LAMA2: variants seen among roughly 807,000 people sequenced by gnomAD.
LAMA2 encodes laminin subunit alpha 2, also known as laminin subunit alpha-2.
Under a neutral mutation model 364.8 loss-of-function variants are expected in LAMA2, and 269 were observed. That is an observed-to-expected ratio of 0.74 (90% CI 0.67 to 0.82). LAMA2 has a LOEUF of 0.82. Ranked by LOEUF, LAMA2 falls within the 40% of genes least tolerant of loss-of-function variation. The probability of loss-of-function intolerance (pLI) is 0.00; values close to 1 mark genes in which losing one functional copy is unlikely to be tolerated. For synonymous variants in LAMA2, 1,379 were observed against 1,370.6 expected, an observed-to-expected ratio of 1.01 and a Z score of -0.14; for missense variants, 3,807 against 3,873.2, an observed-to-expected ratio of 0.98 and a Z score of 0.45.
At chr6:129,280,017 G>C (rs749491779) in intron 17 of LAMA2, 44 bp from the exon 18 acceptor site, 14 of 1,256,640 alleles carry the variant, frequency 1.1e-5, no homozygotes, top group Non-Finnish European at 1.5e-5. Context: ...CTTTGTGTAT[G>C]TCCTTCTTCC....
chr6:129,129,059 TGGCCA>T (rs1777294694), intron 4 of LAMA2, among the ~76,000 whole-genome samples: 1 of 152,230 alleles, frequency 6.6e-6, no homozygotes, highest in African/African-American at 2.4e-5. Flanking sequence ...AGGAAATACG[TGGCCA>T]GGCTCTGCTG....
At chr6:128,897,712 T>G (rs991084084) in intron 1 of LAMA2, among the ~76,000 whole-genome samples, 5 of 152,230 alleles carry the variant, frequency 3.3e-5, no homozygotes, top group African/African-American at 1.2e-4. Flanking sequence ...GGGAGTGTCT[T>G]ATCTATTTGT....
chr6:129,074,886 C>T (rs1413739699), intron 3 of LAMA2, among the ~76,000 whole-genome samples: 1 of 152,028 alleles, frequency 6.6e-6, no homozygotes, highest in African/African-American at 2.4e-5. Context: ...CTTCATGCCC[C>T]TTATGGCATA....
intron 14 of LAMA2, among the ~76,000 whole-genome samples, chr6:129,254,375 T>C (rs940728159): frequency 2.0e-5 from 3 of 152,208 alleles, no homozygotes; most frequent in Non-Finnish European, 2.9e-5. Context: ...TTTGACCTCT[T>C]TGGACTTCAA....
At chr6:128,941,707 G>A (rs1200735405) in intron 1 of LAMA2, among the ~76,000 whole-genome samples, 2 of 152,124 alleles carry the variant, frequency 1.3e-5, no homozygotes, top group African/African-American at 2.4e-5. Context: ...AAATATATAA[G>A]TGAGAAATAT....
chr6:129,127,970 C>T (rs1777215601), intron 4 of LAMA2, among the ~76,000 whole-genome samples: 1 of 152,046 alleles, frequency 6.6e-6, no homozygotes, highest in South Asian at 2.1e-4. Context: ...CACATTGTTG[C>T]TTCCTTTGTT....
At chr6:128,975,146 C>T (rs1049570502) in intron 1 of LAMA2, among the ~76,000 whole-genome samples, 1 of 152,128 alleles carries the variant, frequency 6.6e-6, no homozygotes, top group Non-Finnish European at 1.5e-5. Flanking sequence ...GCCATCGCGC[C>T]TGGCCATGAG....
chr6:128,957,308 A>C (rs900180196), intron 1 of LAMA2, among the ~76,000 whole-genome samples: 2 of 151,432 alleles, frequency 1.3e-5, no homozygotes, highest in African/African-American at 4.9e-5. Context: ...AATACTCAAA[A>C]CTCCTCTTGT....
intron 8 of LAMA2, 76 bp from the exon 9 acceptor site, chr6:129,165,500 T>G: frequency 1.1e-6 from 1 of 887,472 alleles, no homozygotes; most frequent in Middle Eastern, 2.3e-4. Context: ...CTACTTTGTC[T>G]ATAAAAGTTT....
chr6:129,459,656 T>G (rs1783144711), intron 48 of LAMA2, among the ~76,000 whole-genome samples: 1 of 152,082 alleles, frequency 6.6e-6, no homozygotes, highest in Admixed American at 6.6e-5. Context: ...TTTATACAAG[T>G]GCTTTTAAAA....
chr6:129,124,545 T>C (rs1776999744), intron 4 of LAMA2, among the ~76,000 whole-genome samples: 1 of 152,210 alleles, frequency 6.6e-6, no homozygotes, highest in Admixed American at 6.5e-5. Flanking sequence ...GCACCAAATA[T>C]GCCAAAGCTT....
rs553225269 is a variant in LAMA2 at position 129,178,819 on chromosome 6, T to A, written c.1467+953T>A. 1.9e-4 allele frequency among the ~76,000 whole-genome samples: 29 copies of A among 152,124 alleles called. No individual in the cohort carries two copies. In the South Asian group the frequency reaches 6.0e-3, roughly 32 times the overall value. On this transcript the variant is annotated intron_variant, in intron 10 of 64. Coordinates refer to ENST00000421865, the MANE Select transcript of LAMA2 (RefSeq NM_000426.4). ...TAAGCCATAATATAAGTAGTAAATATTAGTTTTAATGAAGTGTTTATGAAT... is the reference window on the plus strand; with the variant it reads ...TAAGCCATAATATAAGTAGTAAATAATAGTTTTAATGAAGTGTTTATGAAT...
intron 4 of LAMA2, among the ~76,000 whole-genome samples, chr6:129,135,890 A>T (rs11754225): frequency 0.076 from 11,523 of 152,286 alleles, 573 homozygotes; most frequent in Non-Finnish European, 0.11. Flanking sequence ...TTATCTGTGT[A>T]ATTATTATAT....
At chr6:129,347,072 A>G (rs182700409) in intron 30 of LAMA2, among the ~76,000 whole-genome samples, 228 of 152,286 alleles carry the variant, frequency 1.5e-3, no homozygotes, top group Middle Eastern at 6.8e-3. Context: ...TGAAGTCAGC[A>G]AAGCTCTAAT....
intron 17 of LAMA2, among the ~76,000 whole-genome samples, chr6:129,278,833 C>T (rs1330924400): frequency 6.6e-6 from 1 of 152,084 alleles, no homozygotes; most frequent in Non-Finnish European, 1.5e-5. Context: ...CTTACCTGGT[C>T]CTAATACCTT....
intron 62 of LAMA2, among the ~76,000 whole-genome samples, chr6:129,507,884 A>C (rs573467589): frequency 6.6e-6 from 1 of 152,366 alleles, no homozygotes; most frequent in East Asian, 1.9e-4. Context: ...CATCTCCTTC[A>C]CTGGAGGTTA....
rs775798455 is a variant in LAMA2 at position 129,505,307 on chromosome 6, G to A, written c.8655G>A (p.Leu2885=). The change falls in exon 61 of 65, where the codon CTG becomes CTA. Residue 2885 remains leucine, a synonymous_variant. Coordinates refer to ENST00000421865, the MANE Select transcript of LAMA2 (RefSeq NM_000426.4). ...KADILDVVGM[L]YVGGLPINYT... Reference sequence around the variant, plus strand: ...ACATCCTGGATGTCGTGGGAATGCTGTATGTTGGTGGGTTACCCATCAACT... The same window carrying A: ...ACATCCTGGATGTCGTGGGAATGCTATATGTTGGTGGGTTACCCATCAACT... 3 of 1,613,928 alleles carry A rather than the reference G, an allele frequency of 1.9e-6. No individual in the cohort carries two copies. Among genetic ancestry groups the A allele is most frequent in the South Asian group, 2.2e-5 (2 of 91,080 alleles).
intron 31 of LAMA2, among the ~76,000 whole-genome samples, chr6:129,350,700 A>G (rs913610761): frequency 1.3e-5 from 2 of 152,224 alleles, no homozygotes; most frequent in Admixed American, 6.5e-5. Context: ...GCTTCTTTGT[A>G]AATATAAACT....
At chr6:129,089,109 G>A (rs1774639610) in intron 3 of LAMA2, among the ~76,000 whole-genome samples, 1 of 152,252 alleles carries the variant, frequency 6.6e-6, no homozygotes, top group South Asian at 2.1e-4. Flanking sequence ...GTTAGGAGCT[G>A]GAGACCAGCC....
Sources: allele counts gnomAD v4.1 joint callset (sites outside exome capture counted in the v4.1 genomes callset), GRCh38; gene constraint gnomAD v4.1.1; transcripts MANE v1.5; gene names NCBI Gene and HGNC (gene_info 2026-07-23, HGNC 2026-07-21).